Variants in SNX27 observed in about 807,000 individuals in gnomAD.
SNX27 encodes the protein sorting nexin 27.
In SNX27, 22 loss-of-function variants were observed where a neutral mutation model predicts 71.6. That is an observed-to-expected ratio of 0.31 (90% CI 0.22 to 0.44). The LOEUF (loss-of-function observed/expected upper bound fraction) is 0.44. Ranked by LOEUF, SNX27 falls within the 20% of genes least tolerant of loss-of-function variation. The pLI is 1.00. For missense variants in SNX27, 531 were observed against 698.6 expected (o/e 0.76, Z 2.70); for synonymous variants, 269 against 277.2 (o/e 0.97, Z 0.29).
At chr1:151,646,235 A>G (rs1334165626) in intron 2 of SNX27, among the ~76,000 whole-genome samples, 5 of 152,020 alleles carry the variant, frequency 3.3e-5, no homozygotes, top group Non-Finnish European at 7.4e-5. Flanking sequence ...CATTTAACCT[A>G]TTTATACATT....
At position 151,639,010 on chromosome 1, in the gene SNX27, C is replaced by A. The variant is rs532807376; in HGVS notation, c.434C>A (p.Pro145His). The A allele has an allele frequency of 2.5e-6, 4 of 1,614,094 alleles. No individual in the cohort carries two copies. The South Asian group carries it at 4.4e-5, about 18-fold the overall frequency. ...CCTCATGAGGCAGATAACCTAGATC[C>A]CAGTGACGACTCGTTGGGACAATCA... The part of the protein sequence containing the change: ...VPPHEADNLD[P>H]SDDSLGQSFY... The change falls in exon 2 of 12, where the codon CCC becomes CAC. Residue 145 changes from proline (P) to histidine (H), a missense_variant. Coordinates refer to ENST00000458013, the MANE Select transcript of SNX27 (RefSeq NM_001330723.2).
intron 2 of SNX27, among the ~76,000 whole-genome samples, chr1:151,648,870 G>A (rs114378905): frequency 0.015 from 2,325 of 152,104 alleles, 54 homozygotes; most frequent in African/African-American, 0.052. Flanking sequence ...TTTTGTTGAT[G>A]TGAAAAAGTC....
At chr1:151,661,351 A>T (rs1669959747) in intron 4 of SNX27, 1 of 158,128 alleles carries the variant, frequency 6.3e-6, no homozygotes, top group East Asian at 1.8e-4. Flanking sequence ...ATGCCAATAT[A>T]GTAGTGTGTT....
intron 2 of SNX27, among the ~76,000 whole-genome samples, chr1:151,657,603 G>C (rs1437957322): frequency 2.0e-5 from 3 of 152,094 alleles, no homozygotes; most frequent in African/African-American, 7.2e-5. Context: ...CTTGCTTATT[G>C]ACTCACTATA....
intron 2 of SNX27, among the ~76,000 whole-genome samples, chr1:151,644,809 GT>G (rs1247226059): frequency 6.6e-6 from 1 of 151,816 alleles, no homozygotes; most frequent in Non-Finnish European, 1.5e-5. Context: ...AAAGGTCAAG[GT>G]TTTTTTGTTT....
intron 1 of SNX27, among the ~76,000 whole-genome samples, chr1:151,620,776 G>T (rs1667635968): frequency 1.3e-5 from 2 of 150,652 alleles, no homozygotes; most frequent in Admixed American, 1.3e-4. Flanking sequence ...TGCAACCTCA[G>T]CCTCCCAGGT....
At chr1:151,650,426 A>G (rs898650189) in intron 2 of SNX27, among the ~76,000 whole-genome samples, 2 of 151,984 alleles carry the variant, frequency 1.3e-5, no homozygotes, top group Admixed American at 1.3e-4. Context: ...GTGGTTTGAT[A>G]TCTTTTATTA....
chr1:151,668,461 CT>C lies in SNX27; in HGVS notation c.986-8del. On this transcript the variant is annotated splice_polypyrimidine_tract_variant and intron_variant, in intron 6 of 11. Transcript: ENST00000458013. ...TTCACTCCAGCTTTCTGTGTTTTGTCTTTCCTTTAGTACGTAAATTGGCACC... is the reference window on the plus strand; with the variant it reads ...TTCACTCCAGCTTTCTGTGTTTTGTCTTCCTTTAGTACGTAAATTGGCACC... 6.2e-7 allele frequency: 1 copy of C among 1,603,258 alleles called. No individual in the cohort carries two copies. The highest frequency in any genetic ancestry group is 8.5e-7 in the Non-Finnish European group (1 of 1,176,226).
In SNX27 at chr1:151,695,434, T is replaced by TTTC. The variant is rs1553266821; in HGVS notation, c.*1019_*1021dup. On this transcript the variant is annotated 3_prime_UTR_variant, in exon 12 of 12. Transcript: ENST00000458013. ...CCTTTTTTTTTTTTTTTTTTTTTTTTTTCTGAGACAGGGTCTTACTCTGTC... is the reference window on the plus strand; with the variant it reads ...CCTTTTTTTTTTTTTTTTTTTTTTTTTTCTTCTGAGACAGGGTCTTACTCTGTC... 1 of 146,234 alleles carries TTTC rather than the reference T, an allele frequency of 6.8e-6. No individual in the cohort carries two copies. The highest frequency in any genetic ancestry group is 2.0e-4 in the East Asian group (1 of 4,974). 9.1% of individuals were successfully genotyped at this position (146,234 alleles called of 1,614,324 possible). A position where few individuals can be genotyped will look rare whatever the true frequency, so the allele number is the denominator to read the frequency against.
chr1:151,674,150 C>T (rs966470399), intron 7 of SNX27, among the ~76,000 whole-genome samples: 8 of 151,776 alleles, frequency 5.3e-5, no homozygotes, highest in African/African-American at 9.7e-5. Flanking sequence ...CTTTTAGTGA[C>T]GGTGATTTTC....
intron 2 of SNX27, among the ~76,000 whole-genome samples, chr1:151,647,155 G>GT (rs1376371387): frequency 9.1e-6 from 1 of 109,542 alleles, no homozygotes; most frequent in Non-Finnish European, 2.0e-5. Flanking sequence ...TTTTTAATTT[G>GT]TTTTTTGTTT....
chr1:151,629,562 T>C (rs1668118054), intron 1 of SNX27: 1 of 150,138 alleles, frequency 6.7e-6, no homozygotes, highest in South Asian at 2.1e-4. Context: ...TATATATGTG[T>C]GTGTATATAT....
At chr1:151,694,278 C>A in intron 11 of SNX27, 92 bp from the exon 12 acceptor site, 2 of 1,528,708 alleles carry the variant, frequency 1.3e-6, no homozygotes, top group African/African-American at 1.4e-5. Flanking sequence ...ATTGAGTCAT[C>A]CAGGCATACC....
intron 1 of SNX27, among the ~76,000 whole-genome samples, chr1:151,633,982 T>C (rs1668363461): frequency 6.6e-6 from 1 of 151,980 alleles, no homozygotes; most frequent in African/African-American, 2.4e-5. Flanking sequence ...GTTTTTTTTT[T>C]TTCTCTTGGA....
chr1:151,655,682 G>C (rs138201428), intron 2 of SNX27, among the ~76,000 whole-genome samples: 134 of 152,300 alleles, frequency 8.8e-4, no homozygotes, highest in African/African-American at 3.0e-3. Flanking sequence ...CTGTTGTCCA[G>C]TGTCTGAAAA....
intron 1 of SNX27, among the ~76,000 whole-genome samples, chr1:151,635,349 C>T (rs1297217345): frequency 6.6e-6 from 1 of 152,158 alleles, no homozygotes; most frequent in Non-Finnish European, 1.5e-5. Context: ...TACTTAAGGG[C>T]TCATCCATTA....
At chr1:151,675,866 A>C (rs1447612270) in intron 7 of SNX27, 4 of 105,596 alleles carry the variant, frequency 3.8e-5, no homozygotes, top group African/African-American at 7.5e-5. Context: ...TCATTCTGTC[A>C]CCCAGGCTGG....
Position 151,623,203 on chromosome 1 carries a change from A to G in SNX27, c.311+10691A>G, listed in dbSNP as rs565903917. Among the ~76,000 whole-genome samples, 417 of 151,948 alleles carry G rather than the reference A, an allele frequency of 2.7e-3. 2 individuals carry two copies. Among genetic ancestry groups the G allele is most frequent in the African/African-American group, 9.6e-3 (396 of 41,414 alleles). ...GTCGCCCAGGCTGGAGTGCAGTGGC[A>G]CGATTTTGGCTTACTGCAATTCTGC... On this transcript the variant is annotated intron_variant, in intron 1 of 11. Coordinates refer to ENST00000458013, the MANE Select transcript of SNX27 (RefSeq NM_001330723.2).
intron 3 of SNX27, among the ~76,000 whole-genome samples, chr1:151,658,920 G>C (rs1018463393): frequency 6.6e-6 from 1 of 152,080 alleles, no homozygotes; most frequent in African/African-American, 2.4e-5. Flanking sequence ...TCTTGACCTC[G>C]TGATCCGCCC....
Sources: gnomAD v4.1 joint callset for allele counts (sites outside exome capture counted in the v4.1 genomes callset) on GRCh38, gnomAD v4.1.1 for gene constraint, MANE v1.5 for transcripts, NCBI Gene and HGNC (gene_info 2026-07-23, HGNC 2026-07-21) for gene names.